The following ASH1L variants were observed in gnomAD, a reference collection of about 807,000 sequenced individuals.
ASH1L encodes histone-lysine N-methyltransferase ASH1L.
In ASH1L, 23 loss-of-function variants were observed where a neutral mutation model predicts 269.0. That is an observed-to-expected ratio of 0.09 (90% CI 0.06 to 0.12). The LOEUF (loss-of-function observed/expected upper bound fraction) is 0.12. Among genes scored for constraint, ASH1L ranks in the 10% least tolerant of loss-of-function variants. The pLI is 1.00. For synonymous variants in ASH1L, 1,187 were observed against 1,253.5 expected (o/e 0.95, Z 1.12); for missense variants, 2,912 against 3,567.8 (o/e 0.82, Z 4.68).
intron 11 of ASH1L, 24 bp downstream of exon 11, chr1:155,370,753 G>A: frequency 6.2e-7 from 1 of 1,613,678 alleles, no homozygotes; most frequent in Non-Finnish European, 8.5e-7. Flanking sequence ...CATTTTATTA[G>A]AGTATCATCA....
chr1:155,458,898 C>G (rs1229802705), intron 4 of ASH1L, among the ~76,000 whole-genome samples: 1 of 151,376 alleles, frequency 6.6e-6, no homozygotes, highest in Non-Finnish European at 1.5e-5. Context: ...AAAATTATTT[C>G]TTACTCTTCA....
At chr1:155,463,969 ACT>A (rs1350304631) in intron 3 of ASH1L, among the ~76,000 whole-genome samples, 1 of 152,120 alleles carries the variant, frequency 6.6e-6, no homozygotes, top group Non-Finnish European at 1.5e-5. Flanking sequence ...GGAAAAAGTT[ACT>A]CTGAGTGAAT....
intron 5 of ASH1L, among the ~76,000 whole-genome samples, chr1:155,428,333 C>T (rs1571188747): frequency 7.5e-6 from 1 of 133,622 alleles, no homozygotes; most frequent in South Asian, 2.4e-4. Context: ...CCCAGCTACT[C>T]GGGAGACTGA....
chr1:155,357,524 G>C (rs1274910758), intron 14 of ASH1L, 61 bp downstream of exon 14: 2 of 1,604,172 alleles, frequency 1.2e-6, no homozygotes, highest in Admixed American at 1.7e-5. Flanking sequence ...CCTTATTCCA[G>C]CAATTGCCTC....
At chr1:155,512,150 A>T (rs1668201753) in intron 2 of ASH1L, among the ~76,000 whole-genome samples, 1 of 152,112 alleles carries the variant, frequency 6.6e-6, no homozygotes, top group Admixed American at 6.6e-5. Flanking sequence ...TATGGTCAGT[A>T]AAGGAGAAAA....
At chr1:155,477,177 A>C (rs1344859818) in intron 3 of ASH1L, among the ~76,000 whole-genome samples, 5 of 152,102 alleles carry the variant, frequency 3.3e-5, no homozygotes, top group African/African-American at 4.8e-5. Context: ...GCAAATGCTT[A>C]CTCTTTGTTT....
At position 155,411,586 on chromosome 1, in the gene ASH1L, A is replaced by AATAAATAT. The variant is rs1297131961; in HGVS notation, c.6008+4157_6008+4158insATATTTAT. The stretch of plus-strand genomic sequence containing the variant: ...AAATATGAATATAAATAAATAAATA[A>AATAAATAT]ATATATATATATATATATATATATA... On this transcript the variant is annotated intron_variant, in intron 6 of 27. Coordinates refer to ENST00000392403, the MANE Select transcript of ASH1L (RefSeq NM_018489.3). Among the ~76,000 whole-genome samples, 163 of 55,110 alleles carry AATAAATAT rather than the reference A, an allele frequency of 3.0e-3. 4 individuals carry two copies. Among genetic ancestry groups the AATAAATAT allele is most frequent in the Admixed American group, 9.4e-3 (37 of 3,956 alleles). The allele number at this position is 55,110 out of a possible 152,430, so 36.2% of individuals were successfully genotyped here.
At chr1:155,549,773 T>C (rs986375978) in intron 1 of ASH1L, among the ~76,000 whole-genome samples, 1 of 152,152 alleles carries the variant, frequency 6.6e-6, no homozygotes, top group African/African-American at 2.4e-5. Context: ...GAGGGATGAC[T>C]GTATATCCAA....
In ASH1L at chr1:155,357,737, A is replaced by G. The variant is rs749705190; in HGVS notation, c.6808T>C (p.Cys2270Arg). The change falls in exon 14 of 28, where the codon TGT (cysteine) becomes CGT (arginine). Residue 2270 changes from cysteine to arginine, a missense_variant. By Grantham distance (180) the Cys-to-Arg change is radical. Transcript: ENST00000392403. ...FNVEKQQLCKCGFEKCRGIIG... is the reference protein window; with the variant it reads ...FNVEKQQLCKRGFEKCRGIIG... Reference sequence around the variant, plus strand: ...ATTCCTCGACATTTCTCAAAGCCACACTTACAAAGTTGCTTTGAAGGGAGA... The same window carrying G: ...ATTCCTCGACATTTCTCAAAGCCACGCTTACAAAGTTGCTTTGAAGGGAGA... 6.2e-7 allele frequency: 1 copy of G among 1,610,700 alleles called. No homozygotes were observed. The highest frequency in any genetic ancestry group is 1.1e-5 in the South Asian group (1 of 89,930).
At chr1:155,535,355 G>A (rs551469154) in intron 1 of ASH1L, among the ~76,000 whole-genome samples, 5 of 151,764 alleles carry the variant, frequency 3.3e-5, no homozygotes, top group South Asian at 2.1e-4. Flanking sequence ...TCAGCCTCCC[G>A]CGCAGCTAAC....
intron 7 of ASH1L, among the ~76,000 whole-genome samples, chr1:155,394,470 C>T (rs1325522960): frequency 6.6e-6 from 1 of 152,104 alleles, no homozygotes; most frequent in Non-Finnish European, 1.5e-5. Context: ...GGAAATAGAT[C>T]TGTTAGATGG....
intron 1 of ASH1L, among the ~76,000 whole-genome samples, chr1:155,529,200 T>C (rs140359020): frequency 3.3e-4 from 51 of 152,288 alleles, no homozygotes; most frequent in African/African-American, 7.7e-4. Flanking sequence ...TTCCTTTGGG[T>C]ATATACCCAG....
rs754380867 is a variant in ASH1L, at chr1:155,478,167, G to A, written c.4703C>T (p.Ala1568Val). 6.2e-7 allele frequency: 1 copy of A among 1,614,036 alleles called. No individual in the cohort carries two copies. The highest frequency in any genetic ancestry group is 8.5e-7 in the Non-Finnish European group (1 of 1,180,010). ...HREPSESSPL[A>V]LGLQTPLQID... ...CTGTAAAGGTGTCTGCAATCCCAAG[G>A]CCAATGGACTAGATTCTGAAGGCTC... The change falls in exon 3 of 28, where the codon GCC becomes GTC. Residue 1568 changes from alanine to valine, a missense_variant. Ala to Val is a moderately conservative substitution (Grantham distance 64). Transcript: ENST00000392403. The surrounding 1 kb of genome is among the most constrained non-coding windows in gnomAD (Gnocchi z 4.6).
At chr1:155,490,654 A>ACTCT (rs1218582438) in intron 2 of ASH1L, among the ~76,000 whole-genome samples, 58 of 148,250 alleles carry the variant, frequency 3.9e-4, no homozygotes, top group African/African-American at 1.4e-3. Context: ...ATACACACAC[A>ACTCT]CTCTCTCTCT....
chr1:155,563,178 A>G (rs1408555548), upstream of ASH1L: 5 of 456,142 alleles, frequency 1.1e-5, no homozygotes, highest in Admixed American at 4.7e-5. Context: ...CCCTCTGCCC[A>G]CCGGTGGTTG....
At chr1:155,400,273 A>G (rs1658716671) in intron 6 of ASH1L, among the ~76,000 whole-genome samples, 1 of 151,840 alleles carries the variant, frequency 6.6e-6, no homozygotes, top group Admixed American at 6.6e-5. Flanking sequence ...CAGAGGTTGT[A>G]GTGAGCCGAG....
intron 1 of ASH1L, among the ~76,000 whole-genome samples, chr1:155,532,860 CAT>C (rs898813942): frequency 3.4e-5 from 5 of 147,118 alleles, no homozygotes; most frequent in African/African-American, 1.2e-4. Context: ...TATATGCACA[CAT>C]ATATATGTGT....
intron 25 of ASH1L, 27 bp downstream of exon 25, chr1:155,341,909 T>C (rs926077392): frequency 6.2e-6 from 10 of 1,609,318 alleles, no homozygotes; most frequent in African/African-American, 1.3e-5. Flanking sequence ...TCCTAACATG[T>C]AGTGTTAAGA....
chr1:155,382,924 TG>T (rs1657109494), intron 7 of ASH1L, among the ~76,000 whole-genome samples: 1 of 152,172 alleles, frequency 6.6e-6, no homozygotes, highest in Non-Finnish European at 1.5e-5. Flanking sequence ...GGTCTTGCCA[TG>T]TTGCCCAGGC....
Sources: allele counts gnomAD v4.1 joint callset (sites outside exome capture counted in the v4.1 genomes callset), GRCh38; gene constraint gnomAD v4.1.1; non-coding constraint Gnocchi (gnomAD v3.1); transcripts MANE v1.5; gene names NCBI Gene and HGNC (gene_info 2026-07-23, HGNC 2026-07-21).